Variants in SYN3 observed in about 807,000 individuals in gnomAD.
SYN3 encodes synapsin-3.
SYN3 carries 35 observed loss-of-function variants against 65.8 expected under a neutral mutation model. The ratio of observed to expected loss-of-function variants is 0.53; its 90% CI spans 0.41 to 0.70. The LOEUF is 0.70. Ranked by LOEUF, SYN3 falls within the 30% of genes least tolerant of loss-of-function variation. The probability of loss-of-function intolerance (pLI) is 0.00; values close to 1 mark genes in which losing one functional copy is unlikely to be tolerated. For missense variants in SYN3, 680 were observed against 749.0 expected (o/e 0.91, Z 1.08); for synonymous variants, 270 against 292.9 (o/e 0.92, Z 0.80).
At chr22:32,918,346 T>C (rs997618596) in intron 4 of SYN3, among the ~76,000 whole-genome samples, 2 of 152,180 alleles carry the variant, frequency 1.3e-5, no homozygotes, top group Non-Finnish European at 2.9e-5. Context: ...CCAGAACACA[T>C]AGCTGTTGGT....
rs192226194 is a variant in SYN3 at position 32,511,621 on chromosome 22, C to T, written c.*2071G>A. Reference sequence around the variant, plus strand: ...GAGTAAGGGTGGTGGGCTTTTTGGGCGCTAGAAAGAGTACCAGGCCTTCAC... The same window carrying T: ...GAGTAAGGGTGGTGGGCTTTTTGGGTGCTAGAAAGAGTACCAGGCCTTCAC... On this transcript the variant is annotated 3_prime_UTR_variant, in exon 14 of 14. Transcript: ENST00000358763. Among the ~76,000 whole-genome samples, 39 of 152,258 alleles carry T rather than the reference C, an allele frequency of 2.6e-4. No individual in the cohort carries two copies. In the East Asian group the frequency reaches 5.8e-3, roughly 23 times the overall value.
At position 33,011,642 on chromosome 22, in the gene SYN3, A is replaced by C. The variant is rs2053354287; in HGVS notation, c.-162-4818T>G. Among the ~76,000 whole-genome samples, 4 of 152,136 alleles carry C rather than the reference A, an allele frequency of 2.6e-5. No homozygotes were observed. The South Asian group carries it at 8.3e-4, about 32-fold the overall frequency. ...TTCTATTTTCTGAAAGAGTCTGTGT[A>C]ATATTGTGTTTTTTTTCTTAAATTA... On this transcript the variant is annotated intron_variant, in intron 1 of 13. Coordinates refer to ENST00000358763, the MANE Select transcript of SYN3 (RefSeq NM_003490.4).
chr22:33,030,522 A>G (rs2053730630), intron 1 of SYN3, among the ~76,000 whole-genome samples: 6 of 151,942 alleles, frequency 3.9e-5, no homozygotes, highest in Admixed American at 3.9e-4. Flanking sequence ...TAAGGCAGAG[A>G]GATACAAAGA....
chr22:32,998,791 A>AAAAC (rs133933), intron 2 of SYN3, among the ~76,000 whole-genome samples: 3,037 of 142,314 alleles, frequency 0.021, 47 homozygotes, highest in Middle Eastern at 0.047. Context: ...AAAAAAAAAA[A>AAAAC]AAAAAAAACA....
chr22:32,807,121 T>A (rs1033022330), intron 6 of SYN3, among the ~76,000 whole-genome samples: 1 of 150,322 alleles, frequency 6.7e-6, no homozygotes, highest in Non-Finnish European at 1.5e-5. Context: ...CTGGCTTTCC[T>A]CCCACCACAT....
chr22:32,546,995 T>C (rs1445572828), intron 7 of SYN3, among the ~76,000 whole-genome samples: 1 of 152,000 alleles, frequency 6.6e-6, no homozygotes, highest in Non-Finnish European at 1.5e-5. Flanking sequence ...TTTGTTGATG[T>C]TGAGACAGAG....
chr22:32,615,519 G>A (rs534366874), intron 6 of SYN3, among the ~76,000 whole-genome samples: 5 of 151,488 alleles, frequency 3.3e-5, no homozygotes, highest in Non-Finnish European at 7.4e-5. Flanking sequence ...GCACAGGGTC[G>A]CAGTAAGTGG....
rs571552519 is a variant in SYN3, at chr22:32,674,398, A to G, written c.712-77662T>C. ...ATTTCTCATGCAAATCTGCCACCAG[A>G]ATGTTCATGTCATGAGGGAAGGGGC... is the stretch of plus-strand genomic sequence containing the variant. On this transcript the variant is annotated intron_variant, in intron 6 of 13. Coordinates refer to ENST00000358763, the MANE Select transcript of SYN3 (RefSeq NM_003490.4). Among the ~76,000 whole-genome samples, 1,336 of 152,254 alleles carry G rather than the reference A, an allele frequency of 8.8e-3. 22 individuals carry two copies. The highest frequency in any genetic ancestry group is 0.031 in the African/African-American group (1,285 of 41,520).
chr22:32,811,630 T>C (rs2046917691), intron 6 of SYN3, among the ~76,000 whole-genome samples: 1 of 152,072 alleles, frequency 6.6e-6, no homozygotes, highest in Admixed American at 6.5e-5. Context: ...CATTTTAGAG[T>C]CTTAAGTCCA....
In SYN3 at chr22:32,797,197, C is replaced by T. The variant is rs145196338; in HGVS notation, c.711+67718G>A. On this transcript the variant is annotated intron_variant, in intron 6 of 13. Coordinates refer to ENST00000358763, the MANE Select transcript of SYN3 (RefSeq NM_003490.4). The stretch of plus-strand genomic sequence containing the variant: ...AGCACCAGCCAGCGGGATAGAGCTC[C>T]GTGAACTCTCCAAGGAGCCACCACC... 8.1e-3 allele frequency among the ~76,000 whole-genome samples: 1,230 copies of T among 152,226 alleles called. 17 individuals are homozygous for T. Among genetic ancestry groups the T allele is most frequent in the African/African-American group, 0.028 (1,181 of 41,538 alleles).
intron 6 of SYN3, among the ~76,000 whole-genome samples, chr22:32,609,554 G>A (rs1295575326): frequency 6.7e-6 from 1 of 148,276 alleles, no homozygotes; most frequent in African/African-American, 2.5e-5. Flanking sequence ...GTAGCTCACT[G>A]TAATCTCAAA....
intron 6 of SYN3, among the ~76,000 whole-genome samples, chr22:32,843,100 T>C (rs1419236309): frequency 1.3e-5 from 2 of 151,996 alleles, no homozygotes; most frequent in Non-Finnish European, 2.9e-5. Context: ...TTTCCCCCAC[T>C]AGGATGCAAA....
chr22:32,632,985 C>T lies in SYN3; in HGVS notation c.712-36249G>A, dbSNP rs189206196. 7.9e-5 allele frequency among the ~76,000 whole-genome samples: 12 copies of T among 152,320 alleles called. No homozygotes were observed. In the East Asian group the frequency reaches 1.5e-3, roughly 20 times the overall value. ...ATATAGTGGTCAAGCGTGTTCATTCCGAAGCCACAACCCATGGGTTCTCAC... is the reference window on the plus strand; with the variant it reads ...ATATAGTGGTCAAGCGTGTTCATTCTGAAGCCACAACCCATGGGTTCTCAC... On this transcript the variant is annotated intron_variant, in intron 6 of 13. Coordinates refer to ENST00000358763, the MANE Select transcript of SYN3 (RefSeq NM_003490.4).
chr22:32,840,228 T>C (rs2047854499), intron 6 of SYN3, among the ~76,000 whole-genome samples: 1 of 152,196 alleles, frequency 6.6e-6, no homozygotes, highest in Non-Finnish European at 1.5e-5. Flanking sequence ...CATTCATTTC[T>C]TGCCAAAAAA....
intron 6 of SYN3, among the ~76,000 whole-genome samples, chr22:32,642,679 C>T (rs879730929): frequency 5.3e-5 from 8 of 152,006 alleles, no homozygotes; most frequent in Middle Eastern, 3.2e-3. Context: ...CCGCCCGCCT[C>T]GGCCTCCCAA....
chr22:32,566,276 C>G (rs2058671173), intron 7 of SYN3, among the ~76,000 whole-genome samples: 1 of 152,172 alleles, frequency 6.6e-6, no homozygotes, highest in Non-Finnish European at 1.5e-5. Context: ...ATTTTATACT[C>G]AGCCTATCTC....
intron 2 of SYN3, among the ~76,000 whole-genome samples, chr22:32,986,834 G>A (rs115968798): frequency 6.6e-6 from 1 of 152,076 alleles, no homozygotes; most frequent in East Asian, 1.9e-4. Flanking sequence ...TGGATTCCAC[G>A]AAGATTCTCT....
intron 2 of SYN3, among the ~76,000 whole-genome samples, chr22:33,000,176 G>A (rs2053016516): frequency 6.6e-6 from 1 of 152,112 alleles, no homozygotes; most frequent in African/African-American, 2.4e-5. Flanking sequence ...GACAAGCCTA[G>A]GCAACACAGT....
At chr22:32,618,639 G>A (rs897187824) in intron 6 of SYN3, among the ~76,000 whole-genome samples, 1 of 152,194 alleles carries the variant, frequency 6.6e-6, no homozygotes, top group Admixed American at 6.5e-5. Context: ...CTGCATAATA[G>A]AACAAGAGAG....
Sources: allele counts gnomAD v4.1 joint callset (sites outside exome capture counted in the v4.1 genomes callset), GRCh38; gene constraint gnomAD v4.1.1; transcripts MANE v1.5; gene names NCBI Gene and HGNC (gene_info 2026-07-23, HGNC 2026-07-21).